ATG5: variants seen among roughly 807,000 people sequenced by gnomAD.
The protein encoded by ATG5 is autophagy related 5, also known as autophagy protein 5.
ATG5 carries 14 observed loss-of-function variants against 36.5 expected under a neutral mutation model. The observed-to-expected ratio is 0.38, with a 90% CI of 0.25 to 0.60. The LOEUF (loss-of-function observed/expected upper bound fraction) is 0.60. ATG5 is among the 20% of genes least tolerant of loss of function. The pLI, the probability that ATG5 is intolerant of heterozygous loss-of-function variation, is 0.60. For synonymous variants in ATG5, 95 were observed against 101.5 expected (o/e 0.94, Z 0.38); for missense variants, 195 against 326.7 (o/e 0.60, Z 3.11).
chr6:106,324,940 A>C (rs1009942676), intron 1 of ATG5, among the ~76,000 whole-genome samples: 2 of 152,180 alleles, frequency 1.3e-5, no homozygotes, highest in African/African-American at 4.8e-5. Flanking sequence ...CCGGGTTCTG[A>C]TTGCTCAAGA....
intron 4 of ATG5, among the ~76,000 whole-genome samples, chr6:106,286,020 A>G: frequency 6.6e-6 from 1 of 151,308 alleles, no homozygotes; most frequent in East Asian, 1.9e-4. Flanking sequence ...ATTTCCCAGC[A>G]TCATAAGACG....
chr6:106,200,357 A>T (rs749894474), intron 7 of ATG5, among the ~76,000 whole-genome samples: 1 of 152,236 alleles, frequency 6.6e-6, no homozygotes, highest in Non-Finnish European at 1.5e-5. Context: ...TACATTCGTA[A>T]GAAACAAGCA....
chr6:106,269,491 GC>G (rs1368647144), intron 5 of ATG5, among the ~76,000 whole-genome samples: 3 of 152,236 alleles, frequency 2.0e-5, no homozygotes, highest in Non-Finnish European at 4.4e-5. Context: ...CCGCACAGGA[GC>G]CCATGGAAGG....
At chr6:106,321,604 T>C (rs1301058157) in intron 1 of ATG5, among the ~76,000 whole-genome samples, 14 of 152,106 alleles carry the variant, frequency 9.2e-5, no homozygotes, top group African/African-American at 2.4e-4. Context: ...ATGATCCGCC[T>C]GCCTCGGCCT....
intron 6 of ATG5, among the ~76,000 whole-genome samples, chr6:106,204,451 T>G (rs1776555079): frequency 6.6e-6 from 1 of 152,206 alleles, no homozygotes; most frequent in African/African-American, 2.4e-5. Context: ...ATTTGAACTC[T>G]TTAGGGATTA....
chr6:106,291,217 TA>T (rs1405788630), intron 4 of ATG5, among the ~76,000 whole-genome samples: 3 of 152,342 alleles, frequency 2.0e-5, no homozygotes, highest in East Asian at 3.8e-4. Context: ...TACAGGATAC[TA>T]AAAAGACATG....
intron 7 of ATG5, among the ~76,000 whole-genome samples, chr6:106,201,275 ATGTG>A (rs138478446): frequency 0.16 from 23,229 of 149,154 alleles, 2,405 homozygotes; most frequent in African/African-American, 0.3. Context: ...TCAAGTGTAT[ATGTG>A]TGTGTGTGTG....
intron 3 of ATG5, among the ~76,000 whole-genome samples, chr6:106,297,705 C>G (rs1163163212): frequency 6.8e-6 from 1 of 146,000 alleles, no homozygotes; most frequent in Non-Finnish European, 1.5e-5. Context: ...AAATTATTTG[C>G]AAAATGACTT....
At chr6:106,217,874 T>G (rs1248686981) in intron 6 of ATG5, among the ~76,000 whole-genome samples, 1 of 152,164 alleles carries the variant, frequency 6.6e-6, no homozygotes, top group Non-Finnish European at 1.5e-5. Context: ...CCCAACAGTA[T>G]TTCAGATTGA....
intron 2 of ATG5, among the ~76,000 whole-genome samples, 182 bp downstream of exon 2, chr6:106,315,918 TG>T (rs1477670428): frequency 6.6e-6 from 1 of 152,232 alleles, no homozygotes; most frequent in African/African-American, 2.4e-5. Context: ...TTTTGTCCTC[TG>T]AGTGGTAGCA....
At chr6:106,310,908 AATGGAAACT>A (rs1295177885) in intron 2 of ATG5, among the ~76,000 whole-genome samples, 1 of 152,252 alleles carries the variant, frequency 6.6e-6, no homozygotes, top group African/African-American at 2.4e-5. Flanking sequence ...TGTCAGCTAC[AATGGAAACT>A]ATCATTCTCT....
intron 3 of ATG5, among the ~76,000 whole-genome samples, chr6:106,300,686 T>TA (rs1770173705): frequency 6.6e-6 from 1 of 152,098 alleles, no homozygotes; most frequent in South Asian, 2.1e-4. Flanking sequence ...CTGAATACTC[T>TA]AGACAACTGT....
chr6:106,322,169 T>C, intron 1 of ATG5, among the ~76,000 whole-genome samples: 1 of 152,222 alleles, frequency 6.6e-6, no homozygotes, highest in East Asian at 1.9e-4. Flanking sequence ...TATTGACTTC[T>C]ATTTTCTGCA....
intron 6 of ATG5, among the ~76,000 whole-genome samples, chr6:106,232,641 A>G (rs965876882): frequency 2.0e-5 from 3 of 152,132 alleles, no homozygotes; most frequent in Non-Finnish European, 2.9e-5. Context: ...AAGGACCTAA[A>G]AGCCCAAGGC....
intron 5 of ATG5, among the ~76,000 whole-genome samples, chr6:106,261,805 G>A (rs1779029992): frequency 6.6e-6 from 1 of 152,132 alleles, no homozygotes; most frequent in African/African-American, 2.4e-5. Context: ...GTAGAAGTTG[G>A]GTTGAAAAAA....
chr6:106,251,373 T>A (rs1778568781), intron 5 of ATG5, among the ~76,000 whole-genome samples: 1 of 152,022 alleles, frequency 6.6e-6, no homozygotes, highest in Non-Finnish European at 1.5e-5. Context: ...ACAAGTTTGG[T>A]CTTCCTCTCT....
At chr6:106,191,072 T>C (rs892003122) in intron 7 of ATG5, among the ~76,000 whole-genome samples, 16 of 152,162 alleles carry the variant, frequency 1.1e-4, no homozygotes, top group Admixed American at 3.9e-4. Context: ...AAGATGCCTA[T>C]ATAGATGTAT....
chr6:106,276,141 A>C (rs1203259539), intron 5 of ATG5, among the ~76,000 whole-genome samples: 1 of 152,236 alleles, frequency 6.6e-6, no homozygotes, highest in Non-Finnish European at 1.5e-5. Context: ...TCAATGAAGC[A>C]AACCTAACAG....
intron 1 of ATG5, among the ~76,000 whole-genome samples, chr6:106,323,727 TCTGCACCTG>T (rs1472757786): frequency 9.2e-5 from 14 of 152,296 alleles, no homozygotes; most frequent in African/African-American, 3.4e-4. Flanking sequence ...AACTCTTATT[TCTGCACCTG>T]CTGCATACAG....
Sources: gnomAD v4.1 joint callset for allele counts (sites outside exome capture counted in the v4.1 genomes callset) on GRCh38, gnomAD v4.1.1 for gene constraint, MANE v1.5 for transcripts, NCBI Gene and HGNC (gene_info 2026-07-23, HGNC 2026-07-21) for gene names.